Variants in FOXK2 observed in about 807,000 individuals in gnomAD.
The protein encoded by FOXK2 is forkhead box K2, also known as forkhead box protein K2.
FOXK2 carries 24 observed loss-of-function variants against 53.3 expected under a neutral mutation model. That is an observed-to-expected ratio of 0.45 (90% CI 0.33 to 0.63). The LOEUF is 0.63. Ranked by LOEUF, FOXK2 falls within the 30% of genes least tolerant of loss-of-function variation. FOXK2 has a pLI of 0.03. For synonymous variants in FOXK2, 505 were observed against 407.1 expected (o/e 1.24, Z -2.89); for missense variants, 952 against 910.5 (o/e 1.05, Z -0.59).
At chr17:82,571,058 C>G (rs1272684106) in intron 3 of FOXK2, among the ~76,000 whole-genome samples, 1 of 152,116 alleles carries the variant, frequency 6.6e-6, no homozygotes, top group Non-Finnish European at 1.5e-5. Flanking sequence ...GTGCTTATGC[C>G]TGGGGAGGGG....
intron 8 of FOXK2, among the ~76,000 whole-genome samples, chr17:82,595,061 T>C (rs565974695): frequency 1.5e-4 from 23 of 152,242 alleles, no homozygotes; most frequent in African/African-American, 5.5e-4. Flanking sequence ...AATGGAGGAA[T>C]AGAAACGCAA....
At chr17:82,523,136 G>A (rs894454150) in intron 1 of FOXK2, among the ~76,000 whole-genome samples, 1 of 152,158 alleles carries the variant, frequency 6.6e-6, no homozygotes, top group Non-Finnish European at 1.5e-5. Context: ...TTGCAGTAGA[G>A]ATGAGTAAGA....
intron 4 of FOXK2, among the ~76,000 whole-genome samples, chr17:82,573,985 C>T (rs1490357580): frequency 6.6e-6 from 1 of 152,222 alleles, no homozygotes; most frequent in Non-Finnish European, 1.5e-5. Context: ...GCAAGGCTCT[C>T]CTGGACCACA....
chr17:82,556,696 T>A (rs983017198), intron 1 of FOXK2, among the ~76,000 whole-genome samples: 17 of 150,880 alleles, frequency 1.1e-4, no homozygotes, highest in Admixed American at 6.6e-4. Context: ...CTCTTTTTTT[T>A]ATTTTTATTT....
chr17:82,542,843 C>G (rs1171472025), intron 1 of FOXK2, among the ~76,000 whole-genome samples: 2 of 151,976 alleles, frequency 1.3e-5, no homozygotes. Flanking sequence ...ATAGTAGGAC[C>G]CTGTCTGTAC....
At chr17:82,542,553 A>G (rs2044585152) in intron 1 of FOXK2, among the ~76,000 whole-genome samples, 1 of 151,970 alleles carries the variant, frequency 6.6e-6, no homozygotes, top group Non-Finnish European at 1.5e-5. Flanking sequence ...GGCTCAAGCA[A>G]TCTTCCTGCC....
intron 8 of FOXK2, 101 bp from the exon 9 acceptor site, chr17:82,601,202 G>C: frequency 8.0e-7 from 1 of 1,253,480 alleles, no homozygotes; most frequent in Non-Finnish European, 1.1e-6. Flanking sequence ...ACATGAGAGC[G>C]TGGGGTTCTG....
intron 4 of FOXK2, among the ~76,000 whole-genome samples, chr17:82,577,675 G>A (rs1222443858): frequency 6.6e-6 from 1 of 152,214 alleles, no homozygotes; most frequent in Non-Finnish European, 1.5e-5. Flanking sequence ...ACTATGAGAA[G>A]TTTGAAAGGA....
chr17:82,601,204 G>GGGGTTCTGACTCGCGA, intron 8 of FOXK2, 99 bp from the exon 9 acceptor site: 1 of 1,269,502 alleles, frequency 7.9e-7, no homozygotes, highest in Admixed American at 2.1e-5. Context: ...ATGAGAGCGT[G>GGGGTTCTGACTCGCGA]GGGTTCTGAC....
Position 82,585,710 on chromosome 17 carries a change from A to G in FOXK2, c.1280-194A>G, listed in dbSNP as rs143718560. Among the ~76,000 whole-genome samples, 446 of 152,304 alleles carry G rather than the reference A, an allele frequency of 2.9e-3. 9 individuals carry two copies. The highest frequency in any genetic ancestry group is 0.026 in the Admixed American group (398 of 15,298). On this transcript the variant is annotated intron_variant, in intron 6 of 8. Coordinates refer to ENST00000335255, the MANE Select transcript of FOXK2 (RefSeq NM_004514.4). ...AAAATTGCATTTTTAGCAGTTAGAG[A>G]TAGGAATTAAATACCCCTTTTAAAA...
chr17:82,561,793 G>GCTGGACC (rs2044796733), intron 1 of FOXK2, among the ~76,000 whole-genome samples: 1 of 152,220 alleles, frequency 6.6e-6, no homozygotes, highest in African/African-American at 2.4e-5. Context: ...ACCTCCACAG[G>GCTGGACC]CTGGACCCTT....
At chr17:82,533,782 G>GC (rs780392942) in intron 1 of FOXK2, among the ~76,000 whole-genome samples, 4 of 150,538 alleles carry the variant, frequency 2.7e-5, no homozygotes, top group African/African-American at 9.8e-5. Context: ...GCATGGTGGT[G>GC]CCCAGCTGTA....
chr17:82,520,395 AC>A (rs1231046284), intron 1 of FOXK2, 88 bp downstream of exon 1: 34 of 1,112,102 alleles, frequency 3.1e-5, no homozygotes, highest in Non-Finnish European at 3.6e-5. Context: ...GCCCGGGACC[AC>A]CCACGAGCGG....
At chr17:82,568,365 T>C (rs2044875664) in intron 3 of FOXK2, among the ~76,000 whole-genome samples, 164 bp downstream of exon 3, 1 of 152,200 alleles carries the variant, frequency 6.6e-6, no homozygotes, top group African/African-American at 2.4e-5. Context: ...GTTCTTGGTA[T>C]TGGGGCTTTT....
intron 6 of FOXK2, 131 bp from the exon 7 acceptor site, chr17:82,585,773 T>C (rs1430120262): frequency 2.1e-5 from 18 of 839,986 alleles, no homozygotes; most frequent in Non-Finnish European, 3.3e-5. Flanking sequence ...TTTACTATTG[T>C]GAGGTGAAAT....
intron 1 of FOXK2, among the ~76,000 whole-genome samples, chr17:82,541,652 CT>C (rs1210383942): frequency 6.6e-6 from 1 of 151,970 alleles, no homozygotes; most frequent in South Asian, 2.1e-4. Flanking sequence ...AAACTGATAA[CT>C]TTTTTTTCAT....
At chr17:82,591,260 C>T (rs764406945) in intron 8 of FOXK2, among the ~76,000 whole-genome samples, 2 of 152,134 alleles carry the variant, frequency 1.3e-5, no homozygotes, top group Non-Finnish European at 2.9e-5. Context: ...ACCCTCATTC[C>T]TGCTTCCATA....
intron 1 of FOXK2, among the ~76,000 whole-genome samples, chr17:82,526,700 G>C (rs148697231): frequency 0.18 from 27,422 of 151,968 alleles, 2,818 homozygotes; most frequent in Non-Finnish European, 0.24. Context: ...CATGGTGGCG[G>C]GCACCTCTAG....
intron 1 of FOXK2, among the ~76,000 whole-genome samples, chr17:82,541,809 C>A (rs1020487251): frequency 1.3e-5 from 2 of 151,334 alleles, no homozygotes; most frequent in Non-Finnish European, 2.9e-5. Context: ...TTTCTGGGCT[C>A]AAGGGATCCT....
Sources: allele counts gnomAD v4.1 joint callset (sites outside exome capture counted in the v4.1 genomes callset), GRCh38; gene constraint gnomAD v4.1.1; transcripts MANE v1.5; gene names NCBI Gene and HGNC (gene_info 2026-07-23, HGNC 2026-07-21).